The following ZNF536 variants were observed in gnomAD, a reference collection of about 807,000 sequenced individuals.
ZNF536 encodes zinc finger protein 536.
Under a neutral mutation model 84.5 loss-of-function variants are expected in ZNF536, and 13 were observed. That is an observed-to-expected ratio of 0.15 (90% CI 0.10 to 0.24). The LOEUF is 0.24. ZNF536 is among the 10% of genes least tolerant of loss of function. The probability of loss-of-function intolerance (pLI) is 1.00; values close to 1 mark genes in which losing one functional copy is unlikely to be tolerated. For synonymous variants in ZNF536, 811 were observed against 742.5 expected (o/e 1.09, Z -1.50); for missense variants, 1,536 against 1,747.5 (o/e 0.88, Z 2.16).
At chr19:30,465,814 G>A (rs1428458196) in intron 2 of ZNF536, among the ~76,000 whole-genome samples, 1 of 151,856 alleles carries the variant, frequency 6.6e-6, no homozygotes, top group East Asian at 1.9e-4. Flanking sequence ...GCAGTGGTGC[G>A]ATCTCGGCTC....
At chr19:30,298,415 G>A (rs2046077603) in intron 2 of ZNF536, among the ~76,000 whole-genome samples, 1 of 152,194 alleles carries the variant, frequency 6.6e-6, no homozygotes, top group African/African-American at 2.4e-5. Context: ...GCCATACAGT[G>A]CAGAGGATGT....
intron 1 of ZNF536, among the ~76,000 whole-genome samples, chr19:30,421,957 G>A (rs995747814): frequency 2.6e-5 from 4 of 152,118 alleles, no homozygotes; most frequent in African/African-American, 7.2e-5. Flanking sequence ...TCCATTTAGG[G>A]TAATGATATA....
chr19:30,233,068 G>A (rs573527189), intron 1 of ZNF536, among the ~76,000 whole-genome samples: 1 of 152,204 alleles, frequency 6.6e-6, no homozygotes, highest in South Asian at 2.1e-4. Context: ...AAGTCCAGGG[G>A]GTTGGACTGT....
rs1279535962 is a variant in ZNF536, at chr19:30,549,262, T to G, written c.3643T>G (p.Ser1215Ala). The change falls in exon 4 of 5, where the codon TCC becomes GCC. Residue 1215 changes from serine to alanine, a missense_variant. By Grantham distance (99) the Ser-to-Ala change is moderately conservative. This residue lies in a region of ZNF536 where 624 missense variants were observed against 603.1 expected (regional missense o/e 1.03). Coordinates refer to ENST00000355537, the MANE Select transcript of ZNF536 (RefSeq NM_014717.3). ...GGDSLQPTGTSQPVQGLVSPL... is the reference protein window; with the variant it reads ...GGDSLQPTGTAQPVQGLVSPL... ...GGACAGCCTGCAGCCCACAGGCACCTCCCAGCCCGTCCAGGGACTGGTCTC... is the reference window on the plus strand; with the variant it reads ...GGACAGCCTGCAGCCCACAGGCACCGCCCAGCCCGTCCAGGGACTGGTCTC... 6.2e-7 allele frequency: 1 copy of G among 1,613,826 alleles called. No individual in the cohort carries two copies. The highest frequency in any genetic ancestry group is 2.2e-5 in the East Asian group (1 of 44,878).
chr19:30,642,022 G>T (rs2049283705), intron 1 of ZNF536, among the ~76,000 whole-genome samples: 1 of 152,218 alleles, frequency 6.6e-6, no homozygotes, highest in African/African-American at 2.4e-5. Flanking sequence ...GCACAGCAAA[G>T]TTTGCGGGAC....
chr19:30,703,931 AG>A (rs910844135), intron 1 of ZNF536, among the ~76,000 whole-genome samples: 5 of 152,210 alleles, frequency 3.3e-5, no homozygotes, highest in African/African-American at 9.6e-5. Flanking sequence ...ATTGAAGTTC[AG>A]GGTGCTAGTA....
intron 1 of ZNF536, among the ~76,000 whole-genome samples, chr19:30,637,553 A>G (rs1049730983): frequency 2.0e-5 from 3 of 152,216 alleles, no homozygotes; most frequent in African/African-American, 7.2e-5. Context: ...TTCATTCTCA[A>G]TTTGGATAAA....
At chr19:30,656,763 G>A (rs1316075681) in intron 1 of ZNF536, among the ~76,000 whole-genome samples, 1 of 152,194 alleles carries the variant, frequency 6.6e-6, no homozygotes, top group African/African-American at 2.4e-5. Flanking sequence ...GGACAGGCAA[G>A]GCCACCAAGC....
intron 2 of ZNF536, among the ~76,000 whole-genome samples, chr19:30,298,739 C>T (rs2046087055): frequency 6.6e-6 from 1 of 152,178 alleles, no homozygotes; most frequent in South Asian, 2.1e-4. Context: ...TTCGTTTCTC[C>T]CAGTCTCCTT....
At chr19:30,433,091 C>G (rs1710240275) in intron 1 of ZNF536, among the ~76,000 whole-genome samples, 1 of 152,230 alleles carries the variant, frequency 6.6e-6, no homozygotes, top group Admixed American at 6.5e-5. Context: ...CCTATCTCCT[C>G]TCTGTCCCCT....
intron 1 of ZNF536, among the ~76,000 whole-genome samples, chr19:30,710,529 G>A (rs1285803046): frequency 6.6e-6 from 1 of 152,140 alleles, no homozygotes; most frequent in Non-Finnish European, 1.5e-5. Flanking sequence ...ATGAGGAACG[G>A]GACTTGATCT....
chr19:30,579,488 G>A (rs2046847390), intron 1 of ZNF536, among the ~76,000 whole-genome samples: 1 of 152,152 alleles, frequency 6.6e-6, no homozygotes, highest in Admixed American at 6.5e-5. Flanking sequence ...ATCTCCAGCA[G>A]GTTAGCCTGG....
At chr19:30,639,836 G>T (rs2147323439) in intron 1 of ZNF536, among the ~76,000 whole-genome samples, 1 of 152,278 alleles carries the variant, frequency 6.6e-6, no homozygotes. Context: ...CTGTCTCAAG[G>T]GGAAAAGCAA....
At chr19:30,605,314 A>G (rs531456548) in intron 1 of ZNF536, among the ~76,000 whole-genome samples, 129 of 152,156 alleles carry the variant, frequency 8.5e-4, no homozygotes, top group Middle Eastern at 3.4e-3. Context: ...CCCAATGTGT[A>G]GTCTTTTACC....
chr19:30,535,807 G>C (rs1298235851), intron 3 of ZNF536, among the ~76,000 whole-genome samples: 1 of 152,076 alleles, frequency 6.6e-6, no homozygotes, highest in Admixed American at 6.5e-5. Context: ...AGTATGAGCT[G>C]CTTCAGAGGC....
At chr19:30,612,563 T>A (rs1456052867) in intron 1 of ZNF536, among the ~76,000 whole-genome samples, 1 of 152,234 alleles carries the variant, frequency 6.6e-6, no homozygotes, top group East Asian at 1.9e-4. Context: ...GGATTTTCCA[T>A]TTTGATGTAA....
chr19:30,694,650 A>C (rs1268813213), intron 1 of ZNF536, among the ~76,000 whole-genome samples: 1 of 151,994 alleles, frequency 6.6e-6, no homozygotes, highest in Non-Finnish European at 1.5e-5. Flanking sequence ...ATATTTTTTT[A>C]AATGTAACAT....
At chr19:30,437,950 T>A (rs186872925) in intron 1 of ZNF536, among the ~76,000 whole-genome samples, 1 of 152,302 alleles carries the variant, frequency 6.6e-6, no homozygotes, top group East Asian at 1.9e-4. Flanking sequence ...TAGTAGTTTG[T>A]TTGCTTGCTT....
chr19:30,323,031 C>A (rs1202157387), intron 2 of ZNF536, among the ~76,000 whole-genome samples: 1 of 152,182 alleles, frequency 6.6e-6, no homozygotes, highest in Non-Finnish European at 1.5e-5. Context: ...AGAAGCAAAG[C>A]CAAGACCCTG....
Sources: allele counts gnomAD v4.1 joint callset (sites outside exome capture counted in the v4.1 genomes callset), GRCh38; gene constraint gnomAD v4.1.1; regional missense constraint gnomAD v4.1.1; transcripts MANE v1.5; gene names NCBI Gene and HGNC (gene_info 2026-07-23, HGNC 2026-07-21).